The following PPIG variants were observed in gnomAD, a reference collection of about 807,000 sequenced individuals.
PPIG encodes the protein peptidylprolyl isomerase G.
Under a neutral mutation model 87.9 loss-of-function variants are expected in PPIG, and 26 were observed. The ratio of observed to expected loss-of-function variants is 0.30; its 90% CI spans 0.22 to 0.41. PPIG has a LOEUF of 0.41. PPIG is among the 10% of genes least tolerant of loss of function. PPIG has a pLI of 1.00. For missense variants in PPIG, 722 were observed against 879.4 expected (o/e 0.82, Z 2.26); for synonymous variants, 308 against 276.5 (o/e 1.11, Z -1.13).
chr2:169,632,014 T>C, intron 11 of PPIG, 81 bp downstream of exon 11: 1 of 1,336,466 alleles, frequency 7.5e-7, no homozygotes, highest in Non-Finnish European at 9.8e-7. Context: ...TTAAACAAGA[T>C]TTAATTGGTG....
intron 9 of PPIG, among the ~76,000 whole-genome samples, chr2:169,626,910 A>G (rs1450053002): frequency 1.3e-5 from 2 of 151,686 alleles, no homozygotes; most frequent in African/African-American, 2.4e-5. Context: ...GGGTTTCACC[A>G]TGTTGGCCAG....
chr2:169,596,736 G>C (rs1465393985), intron 1 of PPIG, among the ~76,000 whole-genome samples: 1 of 151,838 alleles, frequency 6.6e-6, no homozygotes, highest in Admixed American at 6.6e-5. Flanking sequence ...GTCTTACTCT[G>C]TTGCCTGGGC....
chr2:169,637,037 C>A lies in PPIG; in HGVS notation c.1779C>A (p.Tyr593Ter), dbSNP rs1484671353. ...DRSRSKEYHR[Y>*]REQEYRRRGR... The stretch of plus-strand genomic sequence containing the variant: ...GCAGAAGCAAGGAGTACCATAGATA[C>A]AGAGAACAGGAATACAGGAGAAGAG... The change falls in exon 14 of 14, where the codon TAC (tyrosine) becomes TAA (stop). Residue 593 changes from tyrosine (Y) to a stop codon, truncating the protein, a stop_gained. Coordinates refer to ENST00000260970, the MANE Select transcript of PPIG (RefSeq NM_004792.3). LOFTEE classifies it high-confidence loss of function. The A allele has an allele frequency of 1.2e-6, 2 of 1,613,676 alleles. No individual in the cohort carries two copies. Among genetic ancestry groups the A allele is most frequent in the Middle Eastern group, 1.6e-4 (1 of 6,062 alleles).
At chr2:169,610,072 G>T (rs1007575362) in intron 7 of PPIG, among the ~76,000 whole-genome samples, 6 of 152,148 alleles carry the variant, frequency 3.9e-5, no homozygotes, top group Admixed American at 1.3e-4. Flanking sequence ...TATCTTATGG[G>T]TATAGGTTTG....
intron 9 of PPIG, among the ~76,000 whole-genome samples, 158 bp from the exon 10 acceptor site, chr2:169,630,616 C>G (rs1296712529): frequency 6.6e-6 from 1 of 152,138 alleles, no homozygotes; most frequent in Non-Finnish European, 1.5e-5. Context: ...GGACTCTAAT[C>G]CTGAGTCTTG....
At chr2:169,625,217 G>A (rs76360526) in intron 9 of PPIG, among the ~76,000 whole-genome samples, 22,082 of 152,110 alleles carry the variant, frequency 0.15, 1,801 homozygotes, top group East Asian at 0.23. Context: ...CTGAAACTTT[G>A]TACCCTAGTT....
chr2:169,611,134 G>A (rs1359083150), intron 7 of PPIG, among the ~76,000 whole-genome samples: 1 of 152,146 alleles, frequency 6.6e-6, no homozygotes, highest in Non-Finnish European at 1.5e-5. Context: ...AGGTTGCAGT[G>A]AGCCAGGGTC....
chr2:169,595,770 C>T (rs1007477595), intron 1 of PPIG, among the ~76,000 whole-genome samples: 1 of 152,110 alleles, frequency 6.6e-6, no homozygotes. Context: ...AAATAGTACT[C>T]CGTTGTGTAT....
intron 4 of PPIG, among the ~76,000 whole-genome samples, chr2:169,605,505 A>G (rs868789407): frequency 3.3e-5 from 5 of 151,134 alleles, no homozygotes; most frequent in African/African-American, 1.2e-4. Flanking sequence ...TCCTGTCTCA[A>G]TTAAAAAAAT....
intron 11 of PPIG, 83 bp downstream of exon 11, chr2:169,632,016 T>TA (rs1171627687): frequency 7.5e-7 from 1 of 1,339,088 alleles, no homozygotes; most frequent in African/African-American, 1.5e-5. Flanking sequence ...AAACAAGATT[T>TA]AATTGGTGAC....
At chr2:169,622,225 A>C (rs998834613) in intron 9 of PPIG, among the ~76,000 whole-genome samples, 1 of 152,186 alleles carries the variant, frequency 6.6e-6, no homozygotes, top group Non-Finnish European at 1.5e-5. Context: ...GGTCGAGACC[A>C]GCCTGGCCAA....
At chr2:169,618,519 C>G (rs1444093491) in intron 9 of PPIG, among the ~76,000 whole-genome samples, 1 of 152,116 alleles carries the variant, frequency 6.6e-6, no homozygotes, top group Non-Finnish European at 1.5e-5. Flanking sequence ...TAATTACTGC[C>G]TCAATTTCAG....
intron 9 of PPIG, among the ~76,000 whole-genome samples, chr2:169,619,259 T>C (rs1038358024): frequency 2.6e-5 from 4 of 152,216 alleles, no homozygotes; most frequent in Non-Finnish European, 5.9e-5. Flanking sequence ...TTCCATTCTT[T>C]TGCACTTGAT....
chr2:169,603,882 C>T (rs1685251337), intron 2 of PPIG, 144 bp from the exon 3 acceptor site: 2 of 643,126 alleles, frequency 3.1e-6, no homozygotes, highest in Non-Finnish European at 5.3e-6. Flanking sequence ...ACTAATAATC[C>T]ATGTGATTTA....
At chr2:169,588,421 A>G (rs1024140985) in intron 1 of PPIG, among the ~76,000 whole-genome samples, 1 of 152,128 alleles carries the variant, frequency 6.6e-6, no homozygotes, top group Admixed American at 6.5e-5. Context: ...GCTTTTTTCC[A>G]TTTGTGAGCT....
chr2:169,584,646 A>G, intron 1 of PPIG, 156 bp downstream of exon 1: 1 of 404,960 alleles, frequency 2.5e-6, no homozygotes, highest in Non-Finnish European at 4.8e-6. Context: ...GCTTGGGCCC[A>G]GAGGAAGTCC....
Position 169,637,118 on chromosome 2 carries a change from TAGGAGGAGA to T in PPIG, c.1870_1878del (p.Arg624_Arg626del), listed in dbSNP as rs781523798. On this transcript the variant is annotated inframe_deletion, in exon 14 of 14. Coordinates refer to ENST00000260970, the MANE Select transcript of PPIG (RefSeq NM_004792.3). ...CACCAGGAAGATCAAGAAGTAAAGA[TAGGAGGAGA>T]AGGAGGAGAGACTCACGGAGCTCAG... is the stretch of plus-strand genomic sequence containing the variant. The T allele has an allele frequency of 1.9e-6, 3 of 1,611,184 alleles. No individual in the cohort carries two copies. Among genetic ancestry groups the T allele is most frequent in the Non-Finnish European group, 2.5e-6 (3 of 1,178,988 alleles).
chr2:169,631,998 T>C (rs547883673), intron 11 of PPIG, 65 bp downstream of exon 11: 9 of 1,353,702 alleles, frequency 6.6e-6, no homozygotes, highest in South Asian at 3.3e-5. Flanking sequence ...TAAAAAGTTA[T>C]TTATTTTAAA....
chr2:169,637,620 T>C lies in PPIG; in HGVS notation c.*97T>C. On this transcript the variant is annotated 3_prime_UTR_variant, in exon 14 of 14. Coordinates refer to ENST00000260970, the MANE Select transcript of PPIG (RefSeq NM_004792.3). ...TATGTTGTTTTCCTTTTCATTGTTTTTGGATTGTTTTATGTTTGTCCTTTT... is the reference window on the plus strand; with the variant it reads ...TATGTTGTTTTCCTTTTCATTGTTTCTGGATTGTTTTATGTTTGTCCTTTT... 1.6e-6 allele frequency: 2 copies of C among 1,282,562 alleles called. No homozygotes were observed. Among genetic ancestry groups the C allele is most frequent in the Non-Finnish European group, 1.0e-6 (1 of 953,360 alleles). The allele number at this position is 1,282,562 out of a possible 1,614,324, so 79.4% of individuals were successfully genotyped here.
Sources: allele counts gnomAD v4.1 joint callset (sites outside exome capture counted in the v4.1 genomes callset), GRCh38; gene constraint gnomAD v4.1.1; transcripts MANE v1.5; gene names NCBI Gene and HGNC (gene_info 2026-07-23, HGNC 2026-07-21).